The following ABCC8 variants were observed in gnomAD, a reference collection of about 807,000 sequenced individuals.
ABCC8 encodes ATP binding cassette subfamily C member 8.
In ABCC8, 137 loss-of-function variants were observed where a neutral mutation model predicts 188.0. The observed-to-expected ratio is 0.73, with a 90% CI of 0.63 to 0.84. The LOEUF is 0.84. Ranked by LOEUF, ABCC8 falls within the 40% of genes least tolerant of loss-of-function variation. The probability of loss-of-function intolerance (pLI) is 0.00; values close to 1 mark genes in which losing one functional copy is unlikely to be tolerated. For missense variants in ABCC8, 1,750 were observed against 2,072.7 expected (o/e 0.84, Z 3.02); for synonymous variants, 797 against 846.5 (o/e 0.94, Z 1.01).
intron 5 of ABCC8, chr11:17,460,893 C>T: frequency 1.1e-6 from 1 of 898,356 alleles, no homozygotes; most frequent in South Asian, 1.7e-5. Flanking sequence ...GAAACTAAGG[C>T]CAGATGATTG....
At chr11:17,416,884 C>T in intron 17 of ABCC8, 46 bp downstream of exon 17, 1 of 1,610,010 alleles carries the variant, frequency 6.2e-7, no homozygotes, top group Non-Finnish European at 8.5e-7. Context: ...CACCCTACCC[C>T]TTCCCTTTGT....
At chr11:17,445,447 T>G (rs1427523107) in intron 8 of ABCC8, among the ~76,000 whole-genome samples, 1 of 152,246 alleles carries the variant, frequency 6.6e-6, no homozygotes, top group Non-Finnish European at 1.5e-5. Context: ...CTGATTTGTA[T>G]GCTTTAAATG....
At chr11:17,435,941 C>T (rs80233115) in intron 10 of ABCC8, 6 of 1,562,810 alleles carry the variant, frequency 3.8e-6, no homozygotes, top group Non-Finnish European at 8.8e-7. Context: ...AGAGAGACCC[C>T]TGCACTCAAA....
At chr11:17,410,006 C>A (rs1954731396) in intron 22 of ABCC8, among the ~76,000 whole-genome samples, 1 of 152,100 alleles carries the variant, frequency 6.6e-6, no homozygotes, top group Non-Finnish European at 1.5e-5. Context: ...CTTGTCCTGG[C>A]CTCCCAAAGT....
intron 9 of ABCC8, 82 bp from the exon 10 acceptor site, chr11:17,442,964 A>C: frequency 6.2e-7 from 1 of 1,601,724 alleles, no homozygotes. Context: ...CAATACTGTC[A>C]CTGCCATGCC....
chr11:17,472,670 T>C (rs1848544579), intron 2 of ABCC8, among the ~76,000 whole-genome samples: 1 of 152,216 alleles, frequency 6.6e-6, no homozygotes, highest in Admixed American at 6.5e-5. Flanking sequence ...TGAGCTGATC[T>C]GTGCCCTGGG....
At chr11:17,409,819 T>C (rs540802257) in intron 22 of ABCC8, among the ~76,000 whole-genome samples, 7 of 152,306 alleles carry the variant, frequency 4.6e-5, no homozygotes, top group African/African-American at 1.4e-4. Context: ...GTATGGAAAT[T>C]TAGTTAATGA....
chr11:17,417,994 C>T (rs888215861), intron 16 of ABCC8, among the ~76,000 whole-genome samples: 3 of 152,130 alleles, frequency 2.0e-5, no homozygotes, highest in Admixed American at 6.5e-5. Flanking sequence ...TGGGCTCAAG[C>T]GATCCTCCAG....
intron 8 of ABCC8, 89 bp downstream of exon 8, chr11:17,448,427 C>T (rs1317906608): frequency 2.8e-5 from 32 of 1,163,160 alleles, no homozygotes; most frequent in East Asian, 4.7e-5. Flanking sequence ...GAGTGGAAGA[C>T]GGTGTGCTCC....
At chr11:17,421,140 G>A (rs1446606374) in intron 16 of ABCC8, among the ~76,000 whole-genome samples, 1 of 152,228 alleles carries the variant, frequency 6.6e-6, no homozygotes, top group Non-Finnish European at 1.5e-5. Flanking sequence ...CCAAGGGCAG[G>A]TGCTAGGCCT....
chr11:17,433,152 C>T (rs935331903), intron 10 of ABCC8, among the ~76,000 whole-genome samples: 2 of 152,164 alleles, frequency 1.3e-5, no homozygotes, highest in African/African-American at 4.8e-5. Flanking sequence ...AAATGCTCAA[C>T]AGTGCCCTGA....
intron 10 of ABCC8, among the ~76,000 whole-genome samples, chr11:17,437,521 T>G (rs1201410583): frequency 6.6e-6 from 1 of 152,248 alleles, no homozygotes; most frequent in African/African-American, 2.4e-5. Context: ...AATTGCAAGA[T>G]GCATCTGCAG....
chr11:17,450,792 G>T (rs920614360), intron 7 of ABCC8, among the ~76,000 whole-genome samples: 5 of 135,574 alleles, frequency 3.7e-5, no homozygotes, highest in African/African-American at 1.4e-4. Context: ...GGGTTCAAGC[G>T]ATTCTCCTGC....
intron 7 of ABCC8, among the ~76,000 whole-genome samples, chr11:17,449,247 G>A (rs1956664791): frequency 6.6e-6 from 1 of 152,166 alleles, no homozygotes; most frequent in South Asian, 2.1e-4. Context: ...TTTTAAAGCA[G>A]ATCTTCATGT....
chr11:17,415,365 T>C, intron 17 of ABCC8, 26 bp from the exon 18 acceptor site: 1 of 1,607,206 alleles, frequency 6.2e-7, no homozygotes, highest in Non-Finnish European at 8.5e-7. Context: ...AAAGGCATAC[T>C]GAGCTCTCAT....
chr11:17,444,654 C>T (rs1956455757), intron 8 of ABCC8, among the ~76,000 whole-genome samples: 1 of 152,206 alleles, frequency 6.6e-6, no homozygotes. Flanking sequence ...ATCATGGATT[C>T]TGAGTGTGCA....
intron 7 of ABCC8, among the ~76,000 whole-genome samples, chr11:17,452,622 G>A (rs1421251467): frequency 6.6e-6 from 1 of 152,204 alleles, no homozygotes; most frequent in Non-Finnish European, 1.5e-5. Context: ...ACCTCCTGAT[G>A]TGTGGCTCAG....
intron 10 of ABCC8, among the ~76,000 whole-genome samples, chr11:17,440,470 C>T (rs1956271899): frequency 6.6e-6 from 1 of 152,146 alleles, no homozygotes; most frequent in Non-Finnish European, 1.5e-5. Context: ...CCAAATTTCC[C>T]CTGTCTATGG....
chr11:17,439,970 A>T (rs1026423333), intron 10 of ABCC8, among the ~76,000 whole-genome samples: 12 of 152,140 alleles, frequency 7.9e-5, no homozygotes, highest in Non-Finnish European at 1.5e-5. Flanking sequence ...TAGCCTGGGA[A>T]CTCACACATC....
Sources: gnomAD v4.1 joint callset for allele counts (sites outside exome capture counted in the v4.1 genomes callset) on GRCh38, gnomAD v4.1.1 for gene constraint, MANE v1.5 for transcripts, NCBI Gene and HGNC (gene_info 2026-07-23, HGNC 2026-07-21) for gene names.